The following IRF7 variants were observed in gnomAD, a reference collection of about 807,000 sequenced individuals.
The protein encoded by IRF7 is interferon regulatory factor 7, also known as interferon regulatory factor-7H.
A neutral mutation model predicts 51.3 loss-of-function variants in IRF7; 67 were observed. That is an observed-to-expected ratio of 1.31 (90% CI 1.07 to 1.60). The LOEUF is 1.60. Ranked by LOEUF, IRF7 falls within the 40% of genes most tolerant of loss-of-function variation. The pLI is 0.00. For missense variants in IRF7, 873 were observed against 701.5 expected (o/e 1.24, Z -2.76); for synonymous variants, 427 against 301.3 (o/e 1.42, Z -4.32).
rs745436895 is a variant in IRF7 at position 612,610 on chromosome 11, G to C, written c.*35C>G. On this transcript the variant is annotated 3_prime_UTR_variant, in exon 11 of 11. Transcript: ENST00000525445. ...GGCCGCGGCCAGCTCTAGGTGGGCT[G>C]CTCCAGCTTTCTGGAGTTCTCATTA... The C allele has an allele frequency of 3.1e-6, 5 of 1,608,270 alleles. No individual in the cohort carries two copies. The Admixed American group carries it at 5.0e-5, about 16-fold the overall frequency.
At position 614,953 on chromosome 11, in the gene IRF7, G is replaced by T. The variant is rs762601707; in HGVS notation, c.238C>A (p.Pro80Thr). Residue 80 changes from proline (P) to threonine (T), a missense_variant, in exon 4 of 11, where the codon CCC becomes ACC. Pro to Thr is a conservative substitution (Grantham distance 38). Coordinates refer to ENST00000525445, the MANE Select transcript of IRF7 (RefSeq NM_001572.5). ...WPPSSRGGGPPPEAETAERAG... is the reference protein window; with the variant it reads ...WPPSSRGGGPTPEAETAERAG... ...CGCTCCGCAGTCTCAGCCTCGGGGGGCGGGCCACCTCCCCTGCTGCTAGGC... is the reference window on the plus strand; with the variant it reads ...CGCTCCGCAGTCTCAGCCTCGGGGGTCGGGCCACCTCCCCTGCTGCTAGGC... 1.3e-6 allele frequency: 2 copies of T among 1,565,946 alleles called. No homozygotes were observed. Among genetic ancestry groups the T allele is most frequent in the Non-Finnish European group, 1.7e-6 (2 of 1,159,168 alleles).
rs1216903707 is a variant in IRF7, at chr11:613,577, A to G, written c.866T>C (p.Leu289Pro). Residue 289 changes from leucine to proline, a missense_variant, in exon 9 of 11, where the codon CTG becomes CCG. By Grantham distance (98) the Leu-to-Pro change is moderately conservative (BLOSUM62 -3). Transcript: ENST00000525445. The stretch of plus-strand genomic sequence containing the variant: ...GCCCTTGTACATGATGGTCACGTCC[A>G]GCGCCCCTGGGCTGGGCTCTGTGTG... Reference protein sequence around the residue: ...TAVQEPSPGALDVTIMYKGRT... With the variant: ...TAVQEPSPGAPDVTIMYKGRT... The G allele has an allele frequency of 8.9e-6, 14 of 1,567,462 alleles. No individual in the cohort carries two copies. Among genetic ancestry groups the G allele is most frequent in the African/African-American group, 1.4e-5 (1 of 72,502 alleles).
At chr11:615,878 C>G (rs1330899735) in intron 1 of IRF7, 35 bp downstream of exon 1, 1 of 155,634 alleles carries the variant, frequency 6.4e-6, no homozygotes. Flanking sequence ...CTCTCGCTCC[C>G]GGCCTGCACC....
chr11:612,647 AGGC>A lies in IRF7; in HGVS notation c.1507_1509del (p.Ala503del). The A allele has an allele frequency of 6.2e-7, 1 of 1,612,714 alleles. No individual in the cohort carries two copies. Among genetic ancestry groups the A allele is most frequent in the Non-Finnish European group, 8.5e-7 (1 of 1,179,938 alleles). ...TGGAGTTCTCATTAGACTGGGTTCTAGGCGGGCTGCTCCAGCTCCATAAGGAAG... is the reference window on the plus strand; with the variant it reads ...TGGAGTTCTCATTAGACTGGGTTCTAGGGCTGCTCCAGCTCCATAAGGAAG... On this transcript the variant is annotated inframe_deletion, in exon 11 of 11. Coordinates refer to ENST00000525445, the MANE Select transcript of IRF7 (RefSeq NM_001572.5).
At position 615,532 on chromosome 11, in the gene IRF7, T is replaced by C. The variant is rs1856794316; in HGVS notation, c.-168A>G. 4.3e-6 allele frequency: 3 copies of C among 699,794 alleles called. No individual in the cohort carries two copies. Among genetic ancestry groups the C allele is most frequent in the Admixed American group, 6.5e-5 (2 of 31,002 alleles). 43.3% of individuals were successfully genotyped at this position (699,794 alleles called of 1,614,324 possible). ...TGTAGCCACCGACGCTGCCTCGGTA[T>C]GGATCTCTTGGCAGAGGGGGCTACA... On this transcript the variant is annotated 5_prime_UTR_variant, in exon 2 of 11. Coordinates refer to ENST00000525445, the MANE Select transcript of IRF7 (RefSeq NM_001572.5).
intron 1 of IRF7, 68 bp downstream of exon 1, chr11:615,845 G>A (rs1423585246): frequency 6.4e-6 from 1 of 157,402 alleles, no homozygotes; most frequent in African/African-American, 2.4e-5. Flanking sequence ...TACCCCTCCG[G>A]GGTCACGGAG....
Position 615,458 on chromosome 11 carries a change from G to A in IRF7, c.-94C>T. On this transcript the variant is annotated 5_prime_UTR_variant, in exon 2 of 11. Transcript: ENST00000525445. ...CAGCAGACGCCAGGCCGCGGCCACAGGTCGTGTGGCCAGGTGTCACAGGTG... is the reference window on the plus strand; with the variant it reads ...CAGCAGACGCCAGGCCGCGGCCACAAGTCGTGTGGCCAGGTGTCACAGGTG... The A allele has an allele frequency of 5.1e-6, 7 of 1,377,304 alleles. No homozygotes were observed. Among genetic ancestry groups the A allele is most frequent in the Non-Finnish European group, 6.7e-6 (7 of 1,044,720 alleles). The allele number at this position is 1,377,304 out of a possible 1,614,324, so 85.3% of individuals were successfully genotyped here.
In IRF7 at chr11:613,946, CTCACCTG is replaced by C; in HGVS notation, c.764_766+4del. On this transcript the variant is annotated splice_donor_variant and splice_donor_region_variant and coding_sequence_variant and intron_variant, in exon 7 of 11. Transcript: ENST00000525445. LOFTEE classifies it high-confidence loss of function. ...CCCAGGCCTCCCAACCCCTACCCCTCTCACCTGTCGTTAGTGCCGCGGGCTGGGGCCC... is the reference window on the plus strand; with the variant it reads ...CCCAGGCCTCCCAACCCCTACCCCTCTCGTTAGTGCCGCGGGCTGGGGCCC... 1.2e-6 allele frequency: 2 copies of C among 1,606,376 alleles called. No homozygotes were observed. Among genetic ancestry groups the C allele is most frequent in the Non-Finnish European group, 1.7e-6 (2 of 1,177,810 alleles).
At position 614,604 on chromosome 11, in the gene IRF7, C is replaced by T. The variant is rs1010695671; in HGVS notation, c.395-70G>A. The T allele has an allele frequency of 4.0e-6, 6 of 1,508,560 alleles. No individual in the cohort carries two copies. In the Admixed American group the frequency reaches 6.0e-5, roughly 15 times the overall value. 93.4% of individuals were successfully genotyped at this position (1,508,560 alleles called of 1,614,324 possible). A position where few individuals can be genotyped will look rare whatever the true frequency, so the allele number is the denominator to read the frequency against. ...GAGATACAAGGAGAGCCTGGTGTAG[C>T]CCCCACCAGCTTCCTGGCTGTGAAC... On this transcript the variant is annotated intron_variant, in intron 4 of 10. Coordinates refer to ENST00000525445, the MANE Select transcript of IRF7 (RefSeq NM_001572.5).
Position 612,994 on chromosome 11 carries a change from C to T in IRF7, c.1356+5G>A, listed in dbSNP as rs373431859. 1.1e-5 allele frequency: 18 copies of T among 1,612,654 alleles called. No homozygotes were observed. Among genetic ancestry groups the T allele is most frequent in the Admixed American group, 5.0e-5 (3 of 59,990 alleles). On this transcript the variant is annotated splice_donor_5th_base_variant and intron_variant, in intron 10 of 10. Transcript: ENST00000525445. ...GGCCTCCCCTCCTTGAGGCTCTGGT[C>T]TCACCTTCACCAGGACCAGGCTCTT...
At position 615,087 on chromosome 11, in the gene IRF7, G is replaced by C. The variant is rs761513714; in HGVS notation, c.183+10C>G. The C allele has an allele frequency of 1.5e-5, 23 of 1,576,356 alleles. No homozygotes were observed. The highest frequency in any genetic ancestry group is 2.0e-5 in the Non-Finnish European group (23 of 1,167,552). ...TCCCACCCGGGGCGGGGCGGGGCTG[G>C]GGTCCCCACCTTGAAGATGCGCGCG... On this transcript the variant is annotated intron_variant, in intron 3 of 10. Coordinates refer to ENST00000525445, the MANE Select transcript of IRF7 (RefSeq NM_001572.5).
rs751448879 is a variant in IRF7, at chr11:613,792, CG to C, written c.839del (p.Ala280GlyfsTer12). On this transcript the variant is annotated frameshift_variant, in exon 8 of 11. Coordinates refer to ENST00000525445, the MANE Select transcript of IRF7 (RefSeq NM_001572.5). LOFTEE classifies it high-confidence loss of function. ...YLSPSPSACT[A>X]VQEPSPGALD... ...TTCCTGGGATGCACTCACCTTGCAC[CG>C]CGGTGCAGGCGCTTGGGGAGGGTGA... The C allele has an allele frequency of 4.4e-5, 68 of 1,562,168 alleles. No individual in the cohort carries two copies. The highest frequency in any genetic ancestry group is 3.4e-5 in the Non-Finnish European group (40 of 1,163,688).
rs781365327 is a variant in IRF7, at chr11:614,181, A to G, written c.672T>C (p.Cys224=). The G allele has an allele frequency of 5.0e-6, 8 of 1,611,620 alleles. No homozygotes were observed. Among genetic ancestry groups the G allele is most frequent in the Non-Finnish European group, 6.8e-6 (8 of 1,179,526 alleles). The change falls in exon 6 of 11, where the codon TGT becomes TGC. Residue 224 remains cysteine, a synonymous_variant. Transcript: ENST00000525445. The stretch of plus-strand genomic sequence containing the variant: ...CCCCGGGCACGCCCACACCTCCAGC[A>G]CAGGCCCCAGTCAGGGGAAGCCCTT... The part of the protein sequence containing the change: ...GQEGLPLTGA[C]AGGPGLPAGE...
Position 614,209 on chromosome 11 carries a change from T to G in IRF7, c.644A>C (p.Gln215Pro). ...PVPTKAPGEG[Q>P]EGLPLTGACA... ...GGCCCCAGTCAGGGGAAGCCCTTCT[T>G]GTCCCTCTCCAGGAGCCTTGGTTGG... The change falls in exon 6 of 11, where the codon CAA becomes CCA. Residue 215 changes from glutamine (Q) to proline (P), a missense_variant. By Grantham distance (76) the Gln-to-Pro change is moderately conservative. Transcript: ENST00000525445. 3 of 1,613,002 alleles carry G rather than the reference T, an allele frequency of 1.9e-6. No homozygotes were observed. The highest frequency in any genetic ancestry group is 2.5e-6 in the Non-Finnish European group (3 of 1,179,934).
Position 613,092 on chromosome 11 carries a change from C to G in IRF7, c.1263G>C (p.Gln421His), listed in dbSNP as rs774975476. ...TGGTATAGCGTGGGGAGCCACGGCG[C>G]TGCCGTGCCCGGAATTCCACCAGCT... The part of the protein sequence containing the change: ...FQELVEFRAR[Q>H]RRGSPRYTIY... Residue 421 changes from glutamine (Q) to histidine (H), a missense_variant, in exon 10 of 11, where the codon CAG (glutamine) becomes CAC (histidine). Physicochemically the swap from Gln to His is conservative, Grantham distance 24. Coordinates refer to ENST00000525445, the MANE Select transcript of IRF7 (RefSeq NM_001572.5). 1.2e-6 allele frequency: 2 copies of G among 1,613,066 alleles called. No homozygotes were observed. Among genetic ancestry groups the G allele is most frequent in the South Asian group, 1.1e-5 (1 of 91,088 alleles).
Position 613,558 on chromosome 11 carries a change from G to A in IRF7, c.885C>T (p.Tyr295=). ...CCTTCTGCAGCACCGTGCGGCCCTTGTACATGATGGTCACGTCCAGCGCCC... is the reference window on the plus strand; with the variant it reads ...CCTTCTGCAGCACCGTGCGGCCCTTATACATGATGGTCACGTCCAGCGCCC... The part of the protein sequence containing the change: ...SPGALDVTIM[Y]KGRTVLQKVV... The change falls in exon 9 of 11, where the codon TAC becomes TAT. Residue 295 remains tyrosine (Y), a synonymous_variant. Coordinates refer to ENST00000525445, the MANE Select transcript of IRF7 (RefSeq NM_001572.5). 1.3e-6 allele frequency: 2 copies of A among 1,578,494 alleles called. No individual in the cohort carries two copies. The highest frequency in any genetic ancestry group is 1.4e-5 in the African/African-American group (1 of 73,864).
At chr11:613,715 G>A in intron 8 of IRF7, 70 bp downstream of exon 8, 1 of 1,105,446 alleles carries the variant, frequency 9.0e-7, no homozygotes. Flanking sequence ...TGAGTGATGG[G>A]TGGGCGGGGA....
At chr11:613,164 AG>A in intron 9 of IRF7, 41 bp downstream of exon 9, 3 of 1,604,592 alleles carry the variant, frequency 1.9e-6, no homozygotes, top group Non-Finnish European at 2.6e-6. Context: ...GGTGCTCCCA[AG>A]GACCCCTGGA....
In IRF7 at chr11:613,615, TG is replaced by T. The variant is rs1564881287; in HGVS notation, c.848-21del. 1 of 1,398,138 alleles carries T rather than the reference TG, an allele frequency of 7.2e-7. No individual in the cohort carries two copies. The highest frequency in any genetic ancestry group is 2.5e-5 in the East Asian group (1 of 40,722). The allele number at this position is 1,398,138 out of a possible 1,614,324, so 86.6% of individuals were successfully genotyped here. A position where few individuals can be genotyped will look rare whatever the true frequency, so the allele number is the denominator to read the frequency against. On this transcript the variant is annotated intron_variant, in intron 8 of 10. Coordinates refer to ENST00000525445, the MANE Select transcript of IRF7 (RefSeq NM_001572.5). ...TGGGCTCTGTGTGGAGACCAAGCTG[TG>T]AGTGACGGGGGTGGGCGGGGACAGG...
Sources: gnomAD v4.1 joint callset for allele counts on GRCh38, gnomAD v4.1.1 for gene constraint, MANE v1.5 for transcripts, NCBI Gene and HGNC (gene_info 2026-07-23, HGNC 2026-07-21) for gene names.